The following IL6R variants were observed in gnomAD, a reference collection of about 807,000 sequenced individuals.
IL6R encodes interleukin 6 receptor, also known as interleukin-6 receptor subunit alpha.
A neutral mutation model predicts 48.3 loss-of-function variants in IL6R; 38 were observed. That is an observed-to-expected ratio of 0.79 (90% confidence interval 0.61 to 1.03). IL6R has a LOEUF of 1.03. IL6R is among the 50% of genes least tolerant of loss of function. The probability of loss-of-function intolerance (pLI) is 0.00; values close to 1 mark genes in which losing one functional copy is unlikely to be tolerated. For missense variants in IL6R, 534 were observed against 618.3 expected, an observed-to-expected ratio of 0.86 and a Z score of 1.45; for synonymous variants, 264 against 256.2, an observed-to-expected ratio of 1.03 and a Z score of -0.29.
At chr1:154,462,660 A>G (rs1158896005) in intron 9 of IL6R, among the ~76,000 whole-genome samples, 1 of 152,038 alleles carries the variant, frequency 6.6e-6, no homozygotes, top group Non-Finnish European at 1.5e-5. Context: ...GGCGTGAGCC[A>G]CCGTGCCTGG....
intron 8 of IL6R, among the ~76,000 whole-genome samples, chr1:154,453,875 A>G (rs1021193437): frequency 6.6e-6 from 1 of 152,306 alleles, no homozygotes; most frequent in African/African-American, 2.4e-5. Context: ...GAGAAAACAG[A>G]CAGGAGAGAA....
At chr1:154,409,287 C>T (rs1227511935) in intron 1 of IL6R, among the ~76,000 whole-genome samples, 3 of 152,174 alleles carry the variant, frequency 2.0e-5, no homozygotes, top group Admixed American at 6.5e-5. Flanking sequence ...CCCTACTGGA[C>T]GGTGCTGGGC....
chr1:154,435,081 G>C lies in IL6R; in HGVS notation c.732G>C (p.Trp244Cys). 1 of 1,614,144 alleles carries C rather than the reference G, an allele frequency of 6.2e-7. No homozygotes were observed. Among genetic ancestry groups the C allele is most frequent in the Non-Finnish European group, 8.5e-7 (1 of 1,180,002 alleles). Residue 244 changes from tryptophan (W) to cysteine (C), a missense_variant, in exon 5 of 10, where the codon TGG (tryptophan) becomes TGC (cysteine). Transcript: ENST00000368485. ...TCACCTGGCAAGACCCCCACTCCTG[G>C]AACTCATCTTTCTACAGACTACGGT... ...LSVTWQDPHS[W>C]NSSFYRLRFE...
intron 1 of IL6R, among the ~76,000 whole-genome samples, chr1:154,427,468 T>TTTC (rs1239205971): frequency 2.6e-5 from 4 of 152,210 alleles, no homozygotes; most frequent in Non-Finnish European, 5.9e-5. Context: ...TTCAACCAGC[T>TTTC]TTCTTACCCA....
At position 154,405,714 on chromosome 1, in the gene IL6R, G is replaced by A; in HGVS notation, c.85G>A (p.Glu29Lys). The A allele has an allele frequency of 1.3e-6, 2 of 1,502,556 alleles. No individual in the cohort carries two copies. Among genetic ancestry groups the A allele is most frequent in the Non-Finnish European group, 1.8e-6 (2 of 1,134,860 alleles). 93.1% of individuals were successfully genotyped at this position (1,502,556 alleles called of 1,614,324 possible). A position where few individuals can be genotyped will look rare whatever the true frequency, so the allele number is the denominator to read the frequency against. The part of the protein sequence containing the change: ...ALAPRRCPAQ[E>K]VARGVLTSLP... ...GGCCCCAAGGCGCTGCCCTGCGCAG[G>A]GTAAGGGCTTCGGGCGCACCTGGAG... Residue 29 changes from glutamate (E) to lysine (K), a missense_variant and splice_region_variant, in exon 1 of 10, where the codon GAG becomes AAG. Coordinates refer to ENST00000368485, the MANE Select transcript of IL6R (RefSeq NM_000565.4). This position sits in a 1 kb window ranked among gnomAD's most constrained non-coding sequence, Gnocchi z 5.2.
At chr1:154,418,382 T>C in intron 1 of IL6R, 1 of 984,390 alleles carries the variant, frequency 1.0e-6, no homozygotes, top group Non-Finnish European at 1.2e-6. Flanking sequence ...CCAGACCCTC[T>C]CTCCAGCAGT....
In IL6R at chr1:154,434,646, A is replaced by C; in HGVS notation, c.586A>C (p.Ser196Arg). The change falls in exon 4 of 10, where the codon AGT (serine) becomes CGT (arginine). Residue 196 changes from serine to arginine, a missense_variant. By Grantham distance (110) the Ser-to-Arg change is moderately radical (BLOSUM62 -1). Transcript: ENST00000368485. ...SFYIVSMCVA[S>R]SVGSKFSKTQ... ...CTACATAGTGTCCATGTGCGTCGCC[A>C]GTAGTGTCGGGAGCAAGTTCAGCAA... The C allele has an allele frequency of 1.9e-6, 3 of 1,614,198 alleles. No individual in the cohort carries two copies. The highest frequency in any genetic ancestry group is 1.7e-6 in the Non-Finnish European group (2 of 1,180,040).
chr1:154,421,612 G>C (rs184547754), intron 1 of IL6R, among the ~76,000 whole-genome samples: 1 of 152,256 alleles, frequency 6.6e-6, no homozygotes, highest in East Asian at 1.9e-4. Context: ...GCCCTCCCCA[G>C]AACTCTCACT....
intron 9 of IL6R, among the ~76,000 whole-genome samples, chr1:154,460,326 A>G (rs1291337574): frequency 6.6e-6 from 1 of 152,128 alleles, no homozygotes. Flanking sequence ...GCTGGTTTCA[A>G]AGTCCTCTTT....
In IL6R at chr1:154,465,278, C is replaced by T. The variant is rs764951367; in HGVS notation, c.1305C>T (p.Ser435=). The change falls in exon 10 of 10, where the codon AGC becomes AGT. Residue 435 remains serine, a synonymous_variant. Coordinates refer to ENST00000368485, the MANE Select transcript of IL6R (RefSeq NM_000565.4). ...VPLISPPVSP[S]SLGSDNTSSH... ...TCATCTCCCCACCGGTGTCCCCCAG[C>T]AGCCTGGGGTCTGACAATACCTCGA... The T allele has an allele frequency of 3.8e-5, 62 of 1,614,074 alleles. No homozygotes were observed. The highest frequency in any genetic ancestry group is 4.5e-5 in the Non-Finnish European group (53 of 1,180,032).
intron 3 of IL6R, among the ~76,000 whole-genome samples, chr1:154,431,897 G>C (rs988533432): frequency 1.3e-5 from 2 of 152,216 alleles, no homozygotes; most frequent in African/African-American, 4.8e-5. Flanking sequence ...TCTCAGAACA[G>C]TGGGCACTTT....
At chr1:154,414,295 T>C (rs1328235173) in intron 1 of IL6R, 1 of 689,592 alleles carries the variant, frequency 1.5e-6, no homozygotes. Flanking sequence ...TCCACCTTTA[T>C]TGGAGGAAAC....
At chr1:154,422,719 C>T (rs1355259396) in intron 1 of IL6R, among the ~76,000 whole-genome samples, 3 of 152,220 alleles carry the variant, frequency 2.0e-5, no homozygotes, top group Admixed American at 1.3e-4. Context: ...TCAGTGTGTG[C>T]ACCAGCCACG....
Position 154,405,435 on chromosome 1 carries a change from G to C in IL6R, c.-195G>C. ...ACACTGAGCCGGGCCAGAGGGAGAGGAGCCGAGCGCGGCGCGGGGCCGAGG... is the reference window on the plus strand; with the variant it reads ...ACACTGAGCCGGGCCAGAGGGAGAGCAGCCGAGCGCGGCGCGGGGCCGAGG... On this transcript the variant is annotated 5_prime_UTR_variant, in exon 1 of 10. Transcript: ENST00000368485. The surrounding 1 kb of genome is among the most constrained non-coding windows in gnomAD (Gnocchi z 5.2). 1.8e-6 allele frequency: 1 copy of C among 543,856 alleles called. No homozygotes were observed. The highest frequency in any genetic ancestry group is 3.9e-5 in the Admixed American group (1 of 25,518). 33.7% of individuals were successfully genotyped at this position (543,856 alleles called of 1,614,324 possible). A position where few individuals can be genotyped will look rare whatever the true frequency, so the allele number is the denominator to read the frequency against.
intron 1 of IL6R, among the ~76,000 whole-genome samples, chr1:154,422,743 G>A (rs1012313472): frequency 7.2e-5 from 11 of 152,200 alleles, no homozygotes; most frequent in South Asian, 2.1e-4. Flanking sequence ...TCGCCCCCGC[G>A]TGCCCCGTCT....
intron 1 of IL6R, among the ~76,000 whole-genome samples, chr1:154,419,042 G>A (rs1294243516): frequency 1.3e-5 from 2 of 152,134 alleles, no homozygotes; most frequent in Non-Finnish European, 2.9e-5. Context: ...GGTGGAGCAT[G>A]GAGAGGTACC....
At chr1:154,456,917 C>T (rs1004673662) in intron 9 of IL6R, among the ~76,000 whole-genome samples, 3 of 151,754 alleles carry the variant, frequency 2.0e-5, no homozygotes, top group Non-Finnish European at 4.4e-5. Flanking sequence ...GTTGTAAGAA[C>T]GAGAGGGAGG....
Position 154,410,547 on chromosome 1 carries a change from A to C in IL6R, c.85+4833A>C, listed in dbSNP as rs540431115. 1.1e-4 allele frequency among the ~76,000 whole-genome samples: 17 copies of C among 152,306 alleles called. No individual in the cohort carries two copies. The South Asian group carries it at 3.5e-3, about 32-fold the overall frequency. Reference sequence around the variant, plus strand: ...ATTACAGGCGTGAGCCTTTGTGTCCAGCTGGGAGGTTTTTTTGTGTAGTTA... The same window carrying C: ...ATTACAGGCGTGAGCCTTTGTGTCCCGCTGGGAGGTTTTTTTGTGTAGTTA... On this transcript the variant is annotated intron_variant, in intron 1 of 9. Transcript: ENST00000368485.
At chr1:154,446,270 C>T (rs1462334610) in intron 6 of IL6R, among the ~76,000 whole-genome samples, 1 of 152,284 alleles carries the variant, frequency 6.6e-6, no homozygotes, top group African/African-American at 2.4e-5. Flanking sequence ...CGCTTTCCCT[C>T]TCCGGGCCTC....
Sources: gnomAD v4.1 joint callset for allele counts (sites outside exome capture counted in the v4.1 genomes callset) on GRCh38, gnomAD v4.1.1 for gene constraint, Gnocchi (gnomAD v3.1) non-coding constraint, MANE v1.5 for transcripts, NCBI Gene and HGNC (gene_info 2026-07-23, HGNC 2026-07-21) for gene names.